Variants in CTSC observed in about 807,000 individuals in gnomAD.
CTSC encodes the protein cathepsin C.
CTSC carries 37 observed loss-of-function variants against 40.9 expected under a neutral mutation model. That is an observed-to-expected ratio of 0.91 (90% confidence interval 0.70 to 1.19). CTSC has a LOEUF of 1.19. Among genes scored for constraint, CTSC ranks in the 50% most tolerant of loss-of-function variants. The pLI is 0.00. For synonymous variants in CTSC, 232 were observed against 207.4 expected (o/e 1.12, Z -1.02); for missense variants, 594 against 567.3 (o/e 1.05, Z -0.48).
At chr11:88,325,924 G>A in intron 2 of CTSC, 1 of 989,860 alleles carries the variant, frequency 1.0e-6, no homozygotes, top group Non-Finnish European at 1.2e-6. Flanking sequence ...AGGCTCTTGG[G>A]TTCCTCAAGG....
chr11:88,308,185 T>C (rs1937676155), intron 4 of CTSC, among the ~76,000 whole-genome samples: 1 of 152,214 alleles, frequency 6.6e-6, no homozygotes, highest in African/African-American at 2.4e-5. Flanking sequence ...CCTGGGCTAT[T>C]GGGCCAAGCT....
intron 2 of CTSC, chr11:88,325,923 G>C: frequency 1.0e-6 from 1 of 989,830 alleles, no homozygotes; most frequent in Non-Finnish European, 1.2e-6. Flanking sequence ...CAGGCTCTTG[G>C]GTTCCTCAAG....
intron 2 of CTSC, among the ~76,000 whole-genome samples, chr11:88,328,930 G>T (rs1938266207): frequency 1.3e-5 from 2 of 152,114 alleles, no homozygotes; most frequent in African/African-American, 4.8e-5. Context: ...AACACTGATG[G>T]TCATTTTTTT....
At chr11:88,329,207 C>T (rs1432309064) in intron 2 of CTSC, among the ~76,000 whole-genome samples, 1 of 151,990 alleles carries the variant, frequency 6.6e-6, no homozygotes, top group East Asian at 1.9e-4. Flanking sequence ...TCAGGCTGGG[C>T]GTGGTGGCTC....
rs1200423065 is a variant in CTSC at position 88,309,237 on chromosome 11, T to C, written c.567A>G (p.Thr189=). 1.2e-6 allele frequency: 2 copies of C among 1,613,602 alleles called. No individual in the cohort carries two copies. The highest frequency in any genetic ancestry group is 2.7e-5 in the African/African-American group (2 of 74,910). ...NAIQKSWTAT[T]YMEYETLTLG... Reference sequence around the variant, plus strand: ...GGGTAAGAGTCTCATATTCCATGTATGTAGTTGCAGTCCAAGACTTCTGAA... The same window carrying C: ...GGGTAAGAGTCTCATATTCCATGTACGTAGTTGCAGTCCAAGACTTCTGAA... Residue 189 remains threonine, a synonymous_variant, in exon 4 of 7, where the codon ACA becomes ACG. Transcript: ENST00000227266.
chr11:88,322,199 C>G (rs561352562), intron 2 of CTSC: 8 of 152,112 alleles, frequency 5.3e-5, no homozygotes, highest in Non-Finnish European at 1.2e-4. Context: ...TGTTGGTTGC[C>G]TGTTCACTCT....
chr11:88,322,113 A>G (rs1014899335), intron 2 of CTSC: 2 of 152,030 alleles, frequency 1.3e-5, no homozygotes, highest in African/African-American at 4.8e-5. Context: ...TTTCTTGTAA[A>G]TTTGTTAAGT....
chr11:88,331,937 CA>C (rs1366859300), intron 2 of CTSC, among the ~76,000 whole-genome samples: 1 of 152,134 alleles, frequency 6.6e-6, no homozygotes, highest in East Asian at 1.9e-4. Context: ...GAACCATGGA[CA>C]AAACCTATAT....
In CTSC at chr11:88,337,649, C is replaced by A. The variant is rs763123664; in HGVS notation, c.24G>T (p.Leu8=). The change falls in exon 1 of 7, where the codon CTG becomes CTT. Residue 8 remains leucine (L), a synonymous_variant. Transcript: ENST00000227266. MGAGPSL[L]LAALLLLLSG... ...AGAGAAGCAGCAGGAGGGCGGCGAG[C>A]AGCAAGGAGGGCCCAGCACCCATGC... The A allele has an allele frequency of 4.4e-6, 7 of 1,582,480 alleles. No individual in the cohort carries two copies. Among genetic ancestry groups the A allele is most frequent in the Non-Finnish European group, 6.0e-6 (7 of 1,163,798 alleles).
chr11:88,305,405 G>A (rs1591225545), intron 4 of CTSC, among the ~76,000 whole-genome samples: 1 of 152,230 alleles, frequency 6.6e-6, no homozygotes, highest in African/African-American at 2.4e-5. Flanking sequence ...AATGAAGAGA[G>A]AGCAAGAGGA....
At chr11:88,326,121 G>C (rs750111725) in intron 2 of CTSC, 1 of 1,295,576 alleles carries the variant, frequency 7.7e-7, no homozygotes, top group African/African-American at 1.5e-5. Flanking sequence ...AAAACTGAAC[G>C]GTGAAGCCAC....
At chr11:88,298,909 T>C (rs991373536) in intron 5 of CTSC, 2 of 152,204 alleles carry the variant, frequency 1.3e-5, no homozygotes, top group African/African-American at 4.8e-5. Context: ...CAATCATTTC[T>C]TTTGGGAAGG....
At chr11:88,322,320 C>A (rs1056354168) in intron 2 of CTSC, 1 of 152,100 alleles carries the variant, frequency 6.6e-6, no homozygotes, top group Non-Finnish European at 1.5e-5. Flanking sequence ...AATCTTTGCC[C>A]ATTCCTATGT....
chr11:88,318,600 T>C (rs1341062704), intron 2 of CTSC, among the ~76,000 whole-genome samples: 1 of 152,158 alleles, frequency 6.6e-6, no homozygotes, highest in Non-Finnish European at 1.5e-5. Context: ...CTCCCATATA[T>C]ATTTCTAACA....
At chr11:88,325,292 C>A in intron 2 of CTSC, 10 of 985,358 alleles carry the variant, frequency 1.0e-5, no homozygotes, top group Non-Finnish European at 1.2e-5. Flanking sequence ...AAGTTTTGGT[C>A]TTCAATGAAA....
chr11:88,321,117 TC>T, intron 2 of CTSC: 1 of 786,960 alleles, frequency 1.3e-6, no homozygotes, highest in Non-Finnish European at 1.5e-6. Context: ...TTTTTAAAAT[TC>T]CATATTAAAT....
At chr11:88,326,494 T>A in intron 2 of CTSC, 1 of 1,142,866 alleles carries the variant, frequency 8.7e-7, no homozygotes, top group Non-Finnish European at 1.3e-6. Context: ...TCATATTGTC[T>A]CTTAATATTT....
chr11:88,337,104 CT>C (rs1467653791), intron 1 of CTSC, among the ~76,000 whole-genome samples: 12 of 152,044 alleles, frequency 7.9e-5, no homozygotes, highest in Admixed American at 1.3e-4. Context: ...TCGAGAGTCT[CT>C]GAGCTCATCT....
At chr11:88,302,506 G>A (rs1225756121) in intron 4 of CTSC, among the ~76,000 whole-genome samples, 3 of 151,438 alleles carry the variant, frequency 2.0e-5, no homozygotes, top group Non-Finnish European at 4.4e-5. Flanking sequence ...GGTGCCTGTA[G>A]TCCCAGCTAC....
Sources: allele counts gnomAD v4.1 joint callset (sites outside exome capture counted in the v4.1 genomes callset), GRCh38; gene constraint gnomAD v4.1.1; transcripts MANE v1.5; gene names NCBI Gene and HGNC (gene_info 2026-07-23, HGNC 2026-07-21).